The following ARHGAP24 variants were observed in gnomAD, a reference collection of about 807,000 sequenced individuals.
ARHGAP24 encodes the protein rho GTPase-activating protein 24.
A neutral mutation model predicts 76.4 loss-of-function variants in ARHGAP24; 50 were observed. That is an observed-to-expected ratio of 0.65 (90% confidence interval 0.52 to 0.83). ARHGAP24 has a LOEUF of 0.83. ARHGAP24 is among the 40% of genes least tolerant of loss of function. ARHGAP24 has a pLI of 0.00. For synonymous variants in ARHGAP24, 345 were observed against 323.3 expected (o/e 1.07, Z -0.72); for missense variants, 930 against 914.2 (o/e 1.02, Z -0.22).
intron 2 of ARHGAP24, among the ~76,000 whole-genome samples, chr4:85,679,507 A>C (rs1723121256): frequency 1.3e-5 from 2 of 152,150 alleles, no homozygotes; most frequent in East Asian, 1.9e-4. Flanking sequence ...TCACCCCTGC[A>C]TACTTGTATC....
chr4:85,947,844 A>G (rs1403222185), intron 5 of ARHGAP24, among the ~76,000 whole-genome samples: 1 of 152,222 alleles, frequency 6.6e-6, no homozygotes, highest in Non-Finnish European at 1.5e-5. Flanking sequence ...AAAATATTAT[A>G]CAGTTTTAAC....
chr4:85,483,560 C>A (rs1259743758), intron 1 of ARHGAP24, among the ~76,000 whole-genome samples: 1 of 151,798 alleles, frequency 6.6e-6, no homozygotes, highest in Non-Finnish European at 1.5e-5. Flanking sequence ...TGCAGTGAGC[C>A]GAGATGGCGC....
At chr4:85,662,551 T>G (rs370153106) in intron 2 of ARHGAP24, among the ~76,000 whole-genome samples, 6,433 of 149,192 alleles carry the variant, frequency 0.043, 563 homozygotes, top group African/African-American at 0.16. Context: ...TTTGTCTTTT[T>G]TTGCCATTGC....
chr4:85,564,449 A>G (rs1366881490), intron 1 of ARHGAP24, among the ~76,000 whole-genome samples: 1 of 78,732 alleles, frequency 1.3e-5, no homozygotes, highest in East Asian at 6.2e-4. Flanking sequence ...GTAAATGACG[A>G]GTTAATGGGT....
chr4:85,576,201 G>C (rs999509311), intron 2 of ARHGAP24, among the ~76,000 whole-genome samples: 1 of 43,762 alleles, frequency 2.3e-5, no homozygotes, highest in Admixed American at 3.2e-4. Flanking sequence ...AGGCCGAGGC[G>C]GGTGGATCAC....
In ARHGAP24 at chr4:85,721,866, T is replaced by C; in HGVS notation, c.181-19T>C. ...TTGCTCTCTGATGATGTTGATGTTTTGGGTATTTGTTTTCACAGGGTACTA... is the reference window on the plus strand; with the variant it reads ...TTGCTCTCTGATGATGTTGATGTTTCGGGTATTTGTTTTCACAGGGTACTA... On this transcript the variant is annotated intron_variant, in intron 2 of 9. Coordinates refer to ENST00000395184, the MANE Select transcript of ARHGAP24 (RefSeq NM_001025616.3). 1 of 1,600,124 alleles carries C rather than the reference T, an allele frequency of 6.2e-7. No homozygotes were observed. The highest frequency in any genetic ancestry group is 8.6e-7 in the Non-Finnish European group (1 of 1,167,730).
chr4:85,964,928 TA>T (rs1323904376), intron 5 of ARHGAP24, among the ~76,000 whole-genome samples: 1 of 152,120 alleles, frequency 6.6e-6, no homozygotes, highest in Non-Finnish European at 1.5e-5. Flanking sequence ...GAATGTATAT[TA>T]AACTGTCAAA....
intron 2 of ARHGAP24, among the ~76,000 whole-genome samples, chr4:85,587,137 T>C (rs1727893710): frequency 6.6e-6 from 1 of 152,204 alleles, no homozygotes; most frequent in Non-Finnish European, 1.5e-5. Context: ...TCTATGTTAC[T>C]TTTATGTAGT....
chr4:85,564,142 C>G (rs1258983758), intron 1 of ARHGAP24, among the ~76,000 whole-genome samples: 2 of 152,072 alleles, frequency 1.3e-5, no homozygotes, highest in African/African-American at 4.8e-5. Context: ...TGCCATGGCA[C>G]TGAGTATTTA....
At chr4:85,846,101 T>C (rs1730867763) in intron 3 of ARHGAP24, among the ~76,000 whole-genome samples, 1 of 152,108 alleles carries the variant, frequency 6.6e-6, no homozygotes, top group Non-Finnish European at 1.5e-5. Flanking sequence ...AGATGGGGTT[T>C]CACCATGTTG....
intron 1 of ARHGAP24, among the ~76,000 whole-genome samples, chr4:85,480,141 A>G (rs1048708560): frequency 2.6e-5 from 4 of 151,986 alleles, no homozygotes; most frequent in Admixed American, 2.0e-4. Flanking sequence ...TTAATATGAT[A>G]CCCCCCCTTT....
chr4:85,986,234 A>C (rs954592076), intron 8 of ARHGAP24, among the ~76,000 whole-genome samples: 8 of 152,154 alleles, frequency 5.3e-5, no homozygotes, highest in Non-Finnish European at 7.4e-5. Context: ...TTGCTATATA[A>C]GCATATCCAT....
At chr4:85,628,906 G>T (rs1042374649) in intron 2 of ARHGAP24, among the ~76,000 whole-genome samples, 1 of 152,256 alleles carries the variant, frequency 6.6e-6, no homozygotes, top group Admixed American at 6.5e-5. Flanking sequence ...TATAGGCAAG[G>T]TATGGTTGGT....
At chr4:85,798,136 A>G (rs780148912) in intron 3 of ARHGAP24, among the ~76,000 whole-genome samples, 87 of 152,214 alleles carry the variant, frequency 5.7e-4, no homozygotes, top group Non-Finnish European at 2.8e-4. Context: ...AAAAGTTGCA[A>G]GATATAACTT....
intron 1 of ARHGAP24, among the ~76,000 whole-genome samples, chr4:85,540,206 A>T (rs540459243): frequency 5.2e-4 from 79 of 152,212 alleles, no homozygotes; most frequent in South Asian, 1.4e-3. Context: ...AAAAATAAAA[A>T]TTTTTTATGG....
At chr4:85,598,464 T>C (rs1719913956) in intron 2 of ARHGAP24, among the ~76,000 whole-genome samples, 1 of 152,070 alleles carries the variant, frequency 6.6e-6, no homozygotes, top group South Asian at 2.1e-4. Context: ...ATCACAATAA[T>C]GATGTGTGGC....
chr4:85,816,510 A>G (rs1303343454), intron 3 of ARHGAP24, among the ~76,000 whole-genome samples: 1 of 152,230 alleles, frequency 6.6e-6, no homozygotes, highest in Non-Finnish European at 1.5e-5. Context: ...AACATTATAT[A>G]TACAATAAAG....
At chr4:85,485,370 AAAAAAAATATATATATATATATATAT>A (rs1246498838) in intron 1 of ARHGAP24, among the ~76,000 whole-genome samples, 1 of 57,770 alleles carries the variant, frequency 1.7e-5, no homozygotes, top group African/African-American at 8.2e-5. Flanking sequence ...AAAAAAAAAA[AAAAAAAATATATATATATATATATAT>A]ATATATATAT....
At chr4:85,614,328 A>G (rs1273769591) in intron 2 of ARHGAP24, among the ~76,000 whole-genome samples, 1 of 152,094 alleles carries the variant, frequency 6.6e-6, no homozygotes, top group Non-Finnish European at 1.5e-5. Context: ...TTATTTGTAC[A>G]ATAGGGGAAA....
Sources: allele counts gnomAD v4.1 joint callset (sites outside exome capture counted in the v4.1 genomes callset), GRCh38; gene constraint gnomAD v4.1.1; transcripts MANE v1.5; gene names NCBI Gene and HGNC (gene_info 2026-07-23, HGNC 2026-07-21).